The following OR2C3 variants were observed in gnomAD, a reference collection of about 807,000 sequenced individuals.
OR2C3 encodes olfactory receptor family 2 subfamily C member 3, also known as olfactory receptor 2C3.
For missense variants in OR2C3, 425 were observed against 401.5 expected (o/e 1.06, Z -0.50); for synonymous variants, 178 against 163.4 (o/e 1.09, Z -0.68).
intron 2 of OR2C3, 52 bp from the exon 3 acceptor site, chr1:247,532,592 C>T: frequency 7.8e-7 from 1 of 1,282,836 alleles, no homozygotes; most frequent in South Asian, 1.4e-5. Flanking sequence ...GCAATTACAT[C>T]AGTTAGCAAA....
Position 247,525,131 on chromosome 1 carries a change from T to C in OR2C3, c.*6418A>G, listed in dbSNP as rs927747245. On this transcript the variant is annotated 3_prime_UTR_variant, in exon 3 of 3. Coordinates refer to ENST00000641802, the MANE Select transcript of OR2C3 (RefSeq NM_198074.6). ...AATATGTCCACATAATGTCAACATG[T>C]TCTATAAGGAAAAACAAACTAAAGC... 6.6e-6 allele frequency: 1 copy of C among 152,194 alleles called. No individual in the cohort carries two copies. The highest frequency in any genetic ancestry group is 6.5e-5 in the Admixed American group (1 of 15,282). 9.4% of individuals were successfully genotyped at this position (152,194 alleles called of 1,614,324 possible).
rs780607186 is a variant in OR2C3, at chr1:247,525,242, C to G, written c.*6307G>C. On this transcript the variant is annotated 3_prime_UTR_variant, in exon 3 of 3. Transcript: ENST00000641802. ...GGGTTAAGCCCATACACCAAGCAAACAATCAATCCTATGGCAGACACCAGC... is the reference window on the plus strand; with the variant it reads ...GGGTTAAGCCCATACACCAAGCAAAGAATCAATCCTATGGCAGACACCAGC... 1.8e-3 allele frequency: 267 copies of G among 152,206 alleles called. 4 individuals carry two copies. The highest frequency in any genetic ancestry group is 0.017 in the Admixed American group (265 of 15,276). 9.4% of individuals were successfully genotyped at this position (152,206 alleles called of 1,614,324 possible). A position where few individuals can be genotyped will look rare whatever the true frequency, so the allele number is the denominator to read the frequency against.
At chr1:247,534,836 G>A (rs1667153303) in intron 1 of OR2C3, among the ~76,000 whole-genome samples, 1 of 152,278 alleles carries the variant, frequency 6.6e-6, no homozygotes, top group South Asian at 2.1e-4. Flanking sequence ...CATTGTGCAT[G>A]TATAGAAATG....
chr1:247,534,371 C>G (rs559600376), intron 1 of OR2C3, among the ~76,000 whole-genome samples: 1 of 152,202 alleles, frequency 6.6e-6, no homozygotes, highest in East Asian at 1.9e-4. Flanking sequence ...GTGGAAGAGG[C>G]AGGACTAGAG....
chr1:247,531,636 G>A lies in OR2C3; in HGVS notation c.876C>T (p.Thr292=), dbSNP rs764448231. 2 of 1,614,114 alleles carry A rather than the reference G, an allele frequency of 1.2e-6. No homozygotes were observed. Among genetic ancestry groups the A allele is most frequent in the Admixed American group, 3.3e-5 (2 of 60,022 alleles). ...CGCTCTTCACCTCCGTGTTCCTCAG[G>A]GTGTAAATAAGTGGGTTCAGCGCAG... ...VTPALNPLIY[T]LRNTEVKSAL... The change falls in exon 3 of 3, where the codon ACC becomes ACT. Residue 292 remains threonine, a synonymous_variant. Transcript: ENST00000641802.
rs768147215 is a variant in OR2C3 at position 247,531,522 on chromosome 1, C to T, written c.*27G>A. On this transcript the variant is annotated 3_prime_UTR_variant, in exon 3 of 3. Transcript: ENST00000641802. Reference sequence around the variant, plus strand: ...TCACTTTGCTCGATGTAAACTTGATCTTCCTTCTCAGAAGGCACTGGAGTC... The same window carrying T: ...TCACTTTGCTCGATGTAAACTTGATTTTCCTTCTCAGAAGGCACTGGAGTC... 13 of 1,598,630 alleles carry T rather than the reference C, an allele frequency of 8.1e-6. No individual in the cohort carries two copies. In the African/African-American group the frequency reaches 1.3e-4, roughly 17 times the overall value.
At chr1:247,534,425 A>G (rs1667134218) in intron 1 of OR2C3, among the ~76,000 whole-genome samples, 1 of 152,196 alleles carries the variant, frequency 6.6e-6, no homozygotes, top group African/African-American at 2.4e-5. Context: ...AACTTTCGGT[A>G]GTGTTGTCAG....
Position 247,531,329 on chromosome 1 carries a change from A to C in OR2C3, c.*220T>G. 1.7e-6 allele frequency: 1 copy of C among 582,300 alleles called. No individual in the cohort carries two copies. Among genetic ancestry groups the C allele is most frequent in the Non-Finnish European group, 3.0e-6 (1 of 329,218 alleles). The allele number at this position is 582,300 out of a possible 1,614,324, so 36.1% of individuals were successfully genotyped here. ...GATGACAGTCAACATGTGTATATAT[A>C]GCAAAAACCAACAACGCAATTGAAC... On this transcript the variant is annotated 3_prime_UTR_variant, in exon 3 of 3. Transcript: ENST00000641802.
chr1:247,527,295 A>G lies in OR2C3; in HGVS notation c.*4254T>C. On this transcript the variant is annotated 3_prime_UTR_variant, in exon 3 of 3. Transcript: ENST00000641802. The surrounding 1 kb of genome is among the most constrained non-coding windows in gnomAD (Gnocchi z 4.6). ...TCTGGGAGGGTCTGCGTTGTCTGCTATCCCCACATAAACTGATGAGGACCT... is the reference window on the plus strand; with the variant it reads ...TCTGGGAGGGTCTGCGTTGTCTGCTGTCCCCACATAAACTGATGAGGACCT... 2 of 306,506 alleles carry G rather than the reference A, an allele frequency of 6.5e-6. No individual in the cohort carries two copies. Among genetic ancestry groups the G allele is most frequent in the Non-Finnish European group, 1.3e-5 (2 of 155,614 alleles). The allele number at this position is 306,506 out of a possible 1,614,324, so 19.0% of individuals were successfully genotyped here. A position where few individuals can be genotyped will look rare whatever the true frequency, so the allele number is the denominator to read the frequency against.
intron 1 of OR2C3, among the ~76,000 whole-genome samples, chr1:247,534,573 C>T (rs544896228): frequency 8.5e-5 from 13 of 152,276 alleles, no homozygotes; most frequent in Middle Eastern, 3.4e-3. Context: ...AGTGTGCTTC[C>T]GATGTCCCTG....
rs777271986 is a variant in OR2C3 at position 247,531,726 on chromosome 1, C to T, written c.786G>A (p.Gln262=). The T allele has an allele frequency of 6.2e-7, 1 of 1,614,186 alleles. No homozygotes were observed. Among genetic ancestry groups the T allele is most frequent in the South Asian group, 1.1e-5 (1 of 91,086 alleles). ...GCTCATGGGAGGTGCTCTTGGCTGG[C>T]TGGAGATACATGAAGATGATGCTCC... ...FYGSIIFMYL[Q]PAKSTSHEQG... is the part of the protein sequence containing the mutation. The change falls in exon 3 of 3, where the codon CAG becomes CAA. Residue 262 remains glutamine, a synonymous_variant. Transcript: ENST00000641802.
intron 1 of OR2C3, among the ~76,000 whole-genome samples, chr1:247,534,500 G>C (rs2103010820): frequency 6.6e-6 from 1 of 152,346 alleles, no homozygotes; most frequent in African/African-American, 2.4e-5. Context: ...CTTTTGTACA[G>C]TTGGAATAAA....
rs1057155438 is a variant in OR2C3, at chr1:247,531,260, A to G, written c.*289T>C. On this transcript the variant is annotated 3_prime_UTR_variant, in exon 3 of 3. Transcript: ENST00000641802. The stretch of plus-strand genomic sequence containing the variant: ...GTCCTGGAATCCACCCGCTTCGGAT[A>G]CTGAGGAACAGCTGAACAACAACGC... 2.5e-6 allele frequency: 1 copy of G among 395,942 alleles called. No homozygotes were observed. Among genetic ancestry groups the G allele is most frequent in the Non-Finnish European group, 4.6e-6 (1 of 219,388 alleles). 24.5% of individuals were successfully genotyped at this position (395,942 alleles called of 1,614,324 possible).
chr1:247,525,050 T>C lies in OR2C3; in HGVS notation c.*6499A>G, dbSNP rs527682654. On this transcript the variant is annotated 3_prime_UTR_variant, in exon 3 of 3. Coordinates refer to ENST00000641802, the MANE Select transcript of OR2C3 (RefSeq NM_198074.6). The stretch of plus-strand genomic sequence containing the variant: ...ATGTTAGTGAAACTGTGAGAATATA[T>C]GCCTTTGTACACATTATTGGCAAAA... The C allele has an allele frequency of 2.0e-5, 3 of 152,240 alleles. No individual in the cohort carries two copies. In the South Asian group the frequency reaches 6.2e-4, roughly 31 times the overall value. The allele number at this position is 152,240 out of a possible 1,614,324, so 9.4% of individuals were successfully genotyped here.
intron 1 of OR2C3, among the ~76,000 whole-genome samples, chr1:247,535,265 T>A (rs1667174043): frequency 6.6e-6 from 1 of 151,990 alleles, no homozygotes; most frequent in Non-Finnish European, 1.5e-5. Context: ...TAATGAGGCA[T>A]GATTGTGCTA....
rs965212291 is a variant in OR2C3 at position 247,533,539 on chromosome 1, C to G, written c.-62G>C. On this transcript the variant is annotated 5_prime_UTR_variant, in exon 2 of 3. Coordinates refer to ENST00000641802, the MANE Select transcript of OR2C3 (RefSeq NM_198074.6). ...GATTGTAGATCATAAGACCTCCATT[C>G]CAGAGAGGTCTTATTGCATACCAAG... The G allele has an allele frequency of 6.6e-6, 1 of 152,172 alleles. No individual in the cohort carries two copies. The highest frequency in any genetic ancestry group is 2.4e-5 in the African/African-American group (1 of 41,434). 9.4% of individuals were successfully genotyped at this position (152,172 alleles called of 1,614,324 possible).
rs1256529804 is a variant in OR2C3 at position 247,525,170 on chromosome 1, TCTCA to T, written c.*6375_*6378del. The stretch of plus-strand genomic sequence containing the variant: ...ACAAACTAAAGCGCTTTTTCTATTC[TCTCA>T]CTCAACAATCAACACAGAAGACTTC... On this transcript the variant is annotated 3_prime_UTR_variant, in exon 3 of 3. Coordinates refer to ENST00000641802, the MANE Select transcript of OR2C3 (RefSeq NM_198074.6). 6.6e-6 allele frequency: 1 copy of T among 152,192 alleles called. No individual in the cohort carries two copies. Among genetic ancestry groups the T allele is most frequent in the Non-Finnish European group, 1.5e-5 (1 of 68,024 alleles). The allele number at this position is 152,192 out of a possible 1,614,324, so 9.4% of individuals were successfully genotyped here.
rs1462872452 is a variant in OR2C3, at chr1:247,527,055, G to A, written c.*4494C>T. On this transcript the variant is annotated 3_prime_UTR_variant, in exon 3 of 3. Coordinates refer to ENST00000641802, the MANE Select transcript of OR2C3 (RefSeq NM_198074.6). The surrounding 1 kb of genome is among the most constrained non-coding windows in gnomAD (Gnocchi z 4.6). ...TTCAGTTCTTGGATGCCAATCTGAGGTACAAATCACATTTCAAGTGTATTT... is the reference window on the plus strand; with the variant it reads ...TTCAGTTCTTGGATGCCAATCTGAGATACAAATCACATTTCAAGTGTATTT... 1.1e-5 allele frequency: 5 copies of A among 456,708 alleles called. No homozygotes were observed. Among genetic ancestry groups the A allele is most frequent in the Admixed American group, 2.3e-5 (1 of 42,582 alleles). The allele number at this position is 456,708 out of a possible 1,614,324, so 28.3% of individuals were successfully genotyped here.
chr1:247,525,484 A>G lies in OR2C3; in HGVS notation c.*6065T>C, dbSNP rs987392032. The G allele has an allele frequency of 6.6e-6, 1 of 152,262 alleles. No individual in the cohort carries two copies. Among genetic ancestry groups the G allele is most frequent in the African/African-American group, 2.4e-5 (1 of 41,470 alleles). 9.4% of individuals were successfully genotyped at this position (152,262 alleles called of 1,614,324 possible). A position where few individuals can be genotyped will look rare whatever the true frequency, so the allele number is the denominator to read the frequency against. The stretch of plus-strand genomic sequence containing the variant: ...TTAATTTGCTAGAGCAGCCCACAGA[A>G]CTCATGGAGGCATCTACATTTAGCA... On this transcript the variant is annotated 3_prime_UTR_variant, in exon 3 of 3. Transcript: ENST00000641802.
Sources: gnomAD v4.1 joint callset for allele counts (sites outside exome capture counted in the v4.1 genomes callset) on GRCh38, gnomAD v4.1.1 for gene constraint, Gnocchi (gnomAD v3.1) non-coding constraint, MANE v1.5 for transcripts, NCBI Gene and HGNC (gene_info 2026-07-23, HGNC 2026-07-21) for gene names.